Variants in YME1L1 observed in about 807,000 individuals in gnomAD.
The protein encoded by YME1L1 is YME1 like 1 ATPase.
Under a neutral mutation model 90.4 loss-of-function variants are expected in YME1L1, and 39 were observed. The ratio of observed to expected loss-of-function variants is 0.43; its 90% CI spans 0.33 to 0.56. The LOEUF is 0.56. Among genes scored for constraint, YME1L1 ranks in the 20% least tolerant of loss-of-function variants. YME1L1 has a pLI of 0.03. For missense variants in YME1L1, 617 were observed against 868.4 expected, an observed-to-expected ratio of 0.71 and a Z score of 3.64; for synonymous variants, 284 against 287.3, an observed-to-expected ratio of 0.99 and a Z score of 0.12.
At chr10:27,144,439 A>T (rs758196760) in intron 3 of YME1L1, among the ~76,000 whole-genome samples, 6 of 152,234 alleles carry the variant, frequency 3.9e-5, no homozygotes, top group African/African-American at 4.8e-5. Flanking sequence ...TCAAACCTTC[A>T]TTATAAACTA....
Position 27,121,373 on chromosome 10 carries a change from T to C in YME1L1, c.1298+13A>G, listed in dbSNP as rs1311376151. The C allele has an allele frequency of 1.9e-6, 3 of 1,588,712 alleles. No individual in the cohort carries two copies. The highest frequency in any genetic ancestry group is 1.3e-5 in the African/African-American group (1 of 74,476). On this transcript the variant is annotated intron_variant, in intron 12 of 18. Transcript: ENST00000376016. ...GTAACAGTACTTCACAAAAATCTTC[T>C]TTTAATACTTACTTATCTAATGCCT...
At chr10:27,127,899 G>C (rs551432219) in intron 8 of YME1L1, among the ~76,000 whole-genome samples, 53 of 152,248 alleles carry the variant, frequency 3.5e-4, no homozygotes, top group African/African-American at 1.2e-3. Context: ...AAGAGAACTT[G>C]AAAGATAATA....
chr10:27,140,878 A>C (rs1011371821), intron 4 of YME1L1, among the ~76,000 whole-genome samples: 3 of 152,098 alleles, frequency 2.0e-5, no homozygotes, highest in Non-Finnish European at 4.4e-5. Context: ...CATTAGGAAA[A>C]TTTATTAAGA....
intron 7 of YME1L1, among the ~76,000 whole-genome samples, chr10:27,133,082 G>C (rs909364502): frequency 9.9e-5 from 15 of 152,128 alleles, no homozygotes; most frequent in African/African-American, 3.4e-4. Flanking sequence ...TCTACACTTT[G>C]AAACACATTG....
At chr10:27,126,053 T>C (rs752911404) in intron 9 of YME1L1, among the ~76,000 whole-genome samples, 23 of 152,294 alleles carry the variant, frequency 1.5e-4, no homozygotes, top group Admixed American at 3.3e-4. Context: ...CTTGGGGTGA[T>C]TGTTTACAAT....
chr10:27,142,133 A>G (rs1333925971), intron 4 of YME1L1, among the ~76,000 whole-genome samples: 1 of 152,158 alleles, frequency 6.6e-6, no homozygotes, highest in Non-Finnish European at 1.5e-5. Flanking sequence ...GTGGTTAGTC[A>G]TTTATCTTGA....
intron 14 of YME1L1, among the ~76,000 whole-genome samples, chr10:27,119,076 A>G (rs2056840830): frequency 6.6e-6 from 1 of 152,234 alleles, no homozygotes; most frequent in Non-Finnish European, 1.5e-5. Flanking sequence ...ATTATTGTCA[A>G]GAAAATGTTA....
intron 1 of YME1L1, among the ~76,000 whole-genome samples, chr10:27,149,598 C>T (rs886788987): frequency 1.3e-5 from 2 of 150,184 alleles, no homozygotes; most frequent in African/African-American, 4.9e-5. Flanking sequence ...GTAGTCTCAG[C>T]TACTTGGGAG....
chr10:27,147,723 C>T, intron 2 of YME1L1: 3 of 1,545,856 alleles, frequency 1.9e-6, no homozygotes, highest in South Asian at 2.4e-5. Context: ...TAGCAAGTTC[C>T]TGTCTGTAAC....
rs76745874 is a variant in YME1L1, at chr10:27,127,486, C to T, written c.859-700G>A. 2.4e-4 allele frequency among the ~76,000 whole-genome samples: 37 copies of T among 152,150 alleles called. 1 individual carries two copies. The East Asian group carries it at 7.1e-3, about 29-fold the overall frequency. On this transcript the variant is annotated intron_variant, in intron 8 of 18. Transcript: ENST00000376016. ...ACCAAAAACTAGAAATAAATGTCCA[C>T]CCTAAAGTAGTGTAATTGCACCGTG... is the stretch of plus-strand genomic sequence containing the variant.
intron 3 of YME1L1, among the ~76,000 whole-genome samples, chr10:27,145,017 T>C (rs974527388): frequency 1.3e-5 from 2 of 152,116 alleles, no homozygotes; most frequent in African/African-American, 4.8e-5. Flanking sequence ...GGCGGGCGCC[T>C]GTAGTCCCAG....
In YME1L1 at chr10:27,120,416, T is replaced by A. The variant is rs751643520; in HGVS notation, c.1411+19A>T. ...ATTACCACTTTACAGAAATGACAAA[T>A]GTTTGTTTTGATACTTACATTGATC... On this transcript the variant is annotated intron_variant, in intron 13 of 18. Coordinates refer to ENST00000376016, the MANE Select transcript of YME1L1 (RefSeq NM_014263.4). 1.9e-6 allele frequency: 3 copies of A among 1,568,412 alleles called. No homozygotes were observed. Among genetic ancestry groups the A allele is most frequent in the Admixed American group, 3.4e-5 (2 of 59,546 alleles).
chr10:27,142,458 C>T lies in YME1L1; in HGVS notation c.359G>A (p.Arg120His), dbSNP rs777441331. 7.3e-6 allele frequency: 11 copies of T among 1,512,100 alleles called. No homozygotes were observed. Among genetic ancestry groups the T allele is most frequent in the Admixed American group, 2.2e-5 (1 of 45,742 alleles). The allele number at this position is 1,512,100 out of a possible 1,614,324, so 93.7% of individuals were successfully genotyped here. A position where few individuals can be genotyped will look rare whatever the true frequency, so the allele number is the denominator to read the frequency against. Residue 120 changes from arginine (R) to histidine (H), a missense_variant, in exon 4 of 19, where the codon CGT becomes CAT. Arg to His is a conservative substitution (Grantham distance 29, BLOSUM62 0). This residue lies in a region of YME1L1 where 311 missense variants were observed against 335.8 expected (regional missense o/e 0.93). Coordinates refer to ENST00000376016, the MANE Select transcript of YME1L1 (RefSeq NM_014263.4). Reference sequence around the variant, plus strand: ...ATGATGTCGATACAAGCAAGAGGAACGTAATGTACTAAATATATCTAAGTT... The same window carrying T: ...ATGATGTCGATACAAGCAAGAGGAATGTAATGTACTAAATATATCTAAGTT... ...YGNLDIFSTL[R>H]SSCLYRHHSR...
In YME1L1 at chr10:27,110,639, C is replaced by T. The variant is rs988307574; in HGVS notation, c.*1338G>A. The T allele has an allele frequency of 6.6e-6, 1 of 152,130 alleles. No individual in the cohort carries two copies. The highest frequency in any genetic ancestry group is 2.4e-5 in the African/African-American group (1 of 41,426). 9.4% of individuals were successfully genotyped at this position (152,130 alleles called of 1,614,324 possible). A position where few individuals can be genotyped will look rare whatever the true frequency, so the allele number is the denominator to read the frequency against. ...AGTAAACACAACTTGGCATTTCTGACGCAGGGTAACACAAAGTTCACTTCG... is the reference window on the plus strand; with the variant it reads ...AGTAAACACAACTTGGCATTTCTGATGCAGGGTAACACAAAGTTCACTTCG... On this transcript the variant is annotated 3_prime_UTR_variant, in exon 19 of 19. Transcript: ENST00000376016.
chr10:27,132,647 G>A (rs1218722358), intron 7 of YME1L1, among the ~76,000 whole-genome samples: 3 of 151,336 alleles, frequency 2.0e-5, no homozygotes, highest in Admixed American at 6.6e-5. Flanking sequence ...GTGAAACGCC[G>A]TCTCTACTAA....
chr10:27,135,280 T>G (rs1237219898), intron 5 of YME1L1, among the ~76,000 whole-genome samples: 1 of 152,210 alleles, frequency 6.6e-6, no homozygotes, highest in Non-Finnish European at 1.5e-5. Context: ...CATATCCCTC[T>G]ATCTTTGCTA....
chr10:27,142,351 T>A (rs550844715), intron 4 of YME1L1, 36 bp downstream of exon 4: 2 of 1,169,220 alleles, frequency 1.7e-6, no homozygotes, highest in African/African-American at 1.6e-5. Context: ...TAAATAAATA[T>A]TTTTTTTTCC....
At chr10:27,113,953 A>AG (rs200982367) in intron 18 of YME1L1, among the ~76,000 whole-genome samples, 1 of 151,502 alleles carries the variant, frequency 6.6e-6, no homozygotes, top group African/African-American at 2.4e-5. Flanking sequence ...GACTCCATAA[A>AG]AAAAAAAAAA....
intron 1 of YME1L1, among the ~76,000 whole-genome samples, chr10:27,151,882 A>T (rs1278640363): frequency 2.2e-5 from 2 of 92,068 alleles, no homozygotes; most frequent in African/African-American, 9.7e-5. Flanking sequence ...CTCCATCTTA[A>T]AAAAAAAAAA....
Sources: allele counts gnomAD v4.1 joint callset (sites outside exome capture counted in the v4.1 genomes callset), GRCh38; gene constraint gnomAD v4.1.1; regional missense constraint gnomAD v4.1.1; transcripts MANE v1.5; gene names NCBI Gene and HGNC (gene_info 2026-07-23, HGNC 2026-07-21).